CNNM2: variants seen among roughly 807,000 people sequenced by gnomAD.
CNNM2 encodes cyclin and CBS domain divalent metal cation transport mediator 2, also known as metal transporter CNNM2.
A neutral mutation model predicts 66.9 loss-of-function variants in CNNM2; 12 were observed. The ratio of observed to expected loss-of-function variants is 0.18; its 90% CI spans 0.11 to 0.29. The LOEUF (loss-of-function observed/expected upper bound fraction) is 0.29, where lower values mean the gene tolerates loss of function less well. CNNM2 is among the 10% of genes least tolerant of loss of function. The probability of loss-of-function intolerance (pLI) is 1.00; values close to 1 mark genes in which losing one functional copy is unlikely to be tolerated. For missense variants in CNNM2, 705 were observed against 1,167.7 expected (o/e 0.60, Z 5.77); for synonymous variants, 557 against 501.8 (o/e 1.11, Z -1.47).
intron 1 of CNNM2, among the ~76,000 whole-genome samples, chr10:102,957,920 A>G (rs1380684915): frequency 6.6e-6 from 1 of 152,078 alleles, no homozygotes; most frequent in African/African-American, 2.4e-5. Context: ...GAGTTGTGGG[A>G]TATTTCAGAA....
rs1033044675 is a variant in CNNM2 at position 103,085,624 on chromosome 10, G to C, written c.*8444G>C. ...ATAGTTGTACCTAGTTATTTTGTGT[G>C]AAGAAACAAAGGGACGAGATTCAAA... On this transcript the variant is annotated 3_prime_UTR_variant, in exon 8 of 8. Coordinates refer to ENST00000369878, the MANE Select transcript of CNNM2 (RefSeq NM_017649.5). The C allele has an allele frequency of 2.0e-5, 3 of 152,192 alleles. No individual in the cohort carries two copies. The East Asian group carries it at 5.8e-4, about 29-fold the overall frequency. 9.4% of individuals were successfully genotyped at this position (152,192 alleles called of 1,614,324 possible). A position where few individuals can be genotyped will look rare whatever the true frequency, so the allele number is the denominator to read the frequency against.
intron 1 of CNNM2, among the ~76,000 whole-genome samples, chr10:103,037,433 A>G (rs1469241366): frequency 6.6e-6 from 1 of 151,936 alleles, no homozygotes; most frequent in Non-Finnish European, 1.5e-5. Flanking sequence ...TGGCTACTCA[A>G]TATGTATTTG....
intron 4 of CNNM2, among the ~76,000 whole-genome samples, chr10:103,062,388 A>G: frequency 6.6e-6 from 1 of 152,170 alleles, no homozygotes; most frequent in Non-Finnish European, 1.5e-5. Flanking sequence ...ATGGGTTTTT[A>G]AGTTGCACGG....
At chr10:103,049,585 G>A in intron 1 of CNNM2, 122 bp from the exon 2 acceptor site, 1 of 956,420 alleles carries the variant, frequency 1.0e-6, no homozygotes, top group Non-Finnish European at 1.6e-6. Flanking sequence ...ATTTTAAAAT[G>A]CTGAAACAGA....
chr10:103,054,331 G>T lies in CNNM2; in HGVS notation c.1768G>T (p.Asp590Tyr). 6.2e-7 allele frequency: 1 copy of T among 1,613,388 alleles called. No homozygotes were observed. The highest frequency in any genetic ancestry group is 1.1e-5 in the South Asian group (1 of 91,016). The change falls in exon 3 of 8, where the codon GAC (aspartate) becomes TAC (tyrosine). Residue 590 changes from aspartate to tyrosine, a missense_variant and splice_region_variant. Coordinates refer to ENST00000369878, the MANE Select transcript of CNNM2 (RefSeq NM_017649.5). This position sits in a 1 kb window ranked among gnomAD's most constrained non-coding sequence, Gnocchi z 5.2. ...EILDETDLYT[D>Y]NRTKKKVAHR... is the part of the protein sequence containing the mutation. ...CTCTCTTTTAATTCCTCCCTTAGCTGACAACAGAACGAAAAAGAAAGTGGC... is the reference window on the plus strand; with the variant it reads ...CTCTCTTTTAATTCCTCCCTTAGCTTACAACAGAACGAAAAAGAAAGTGGC...
At chr10:103,018,722 C>T in intron 1 of CNNM2, among the ~76,000 whole-genome samples, 1 of 135,536 alleles carries the variant, frequency 7.4e-6, no homozygotes, top group Non-Finnish European at 1.5e-5. Flanking sequence ...TGGAGTCTCC[C>T]TCTTGCACTC....
At position 103,074,821 on chromosome 10, in the gene CNNM2, A is replaced by C. The variant is rs1045217371; in HGVS notation, c.2234-1265A>C. On this transcript the variant is annotated intron_variant, in intron 6 of 7. Coordinates refer to ENST00000369878, the MANE Select transcript of CNNM2 (RefSeq NM_017649.5). ...TGCATTCCAGCCTGGGTGATAAAGC[A>C]AGACCCTGTCTCAAAAAGAAAAAAA... 2.6e-5 allele frequency among the ~76,000 whole-genome samples: 4 copies of C among 152,214 alleles called. No homozygotes were observed. The East Asian group carries it at 7.7e-4, about 29-fold the overall frequency.
chr10:103,019,641 C>T (rs1450483302), intron 1 of CNNM2, among the ~76,000 whole-genome samples: 1 of 152,152 alleles, frequency 6.6e-6, no homozygotes, highest in Non-Finnish European at 1.5e-5. Context: ...GGCCTCCTCC[C>T]AATCCTGTGG....
At chr10:102,972,422 G>A (rs2063559792) in intron 1 of CNNM2, among the ~76,000 whole-genome samples, 1 of 152,072 alleles carries the variant, frequency 6.6e-6, no homozygotes, top group African/African-American at 2.4e-5. Context: ...GAATCACGAG[G>A]TCAGGAGATC....
At chr10:102,927,339 T>C (rs1408150991) in intron 1 of CNNM2, 5 of 1,613,904 alleles carry the variant, frequency 3.1e-6, no homozygotes, top group Non-Finnish European at 2.5e-6. Flanking sequence ...TTTTTGTTTT[T>C]CTCAGAACAC....
chr10:103,072,856 C>T (rs1831093468), intron 6 of CNNM2, among the ~76,000 whole-genome samples: 1 of 152,246 alleles, frequency 6.6e-6, no homozygotes, highest in Non-Finnish European at 1.5e-5. Flanking sequence ...GAATCCTTGT[C>T]CGTCTCACCA....
At chr10:102,930,821 T>C (rs1846038520) in intron 1 of CNNM2, among the ~76,000 whole-genome samples, 1 of 152,236 alleles carries the variant, frequency 6.6e-6, no homozygotes, top group South Asian at 2.1e-4. Flanking sequence ...GGCTGGCTTC[T>C]TTCATTTAAC....
At chr10:102,961,814 A>C (rs2063383991) in intron 1 of CNNM2, among the ~76,000 whole-genome samples, 1 of 152,104 alleles carries the variant, frequency 6.6e-6, no homozygotes, top group South Asian at 2.1e-4. Context: ...TAATCCCAGC[A>C]GTTTGAGAGG....
At chr10:102,995,978 G>A (rs1590366755) in intron 1 of CNNM2, among the ~76,000 whole-genome samples, 1 of 152,304 alleles carries the variant, frequency 6.6e-6, no homozygotes, top group Admixed American at 6.5e-5. Flanking sequence ...GGGATCACAG[G>A]CATGAGCCAC....
In CNNM2 at chr10:103,085,941, A is replaced by G. The variant is rs1378878157; in HGVS notation, c.*8761A>G. ...CTTTTTACTCATTCTATAAATGAACATGCTGCCTGTTTAAAGGACTTGCTT... is the reference window on the plus strand; with the variant it reads ...CTTTTTACTCATTCTATAAATGAACGTGCTGCCTGTTTAAAGGACTTGCTT... On this transcript the variant is annotated 3_prime_UTR_variant, in exon 8 of 8. Transcript: ENST00000369878. 2 of 152,244 alleles carry G rather than the reference A, an allele frequency of 1.3e-5. No individual in the cohort carries two copies. Among genetic ancestry groups the G allele is most frequent in the African/African-American group, 4.8e-5 (2 of 41,460 alleles). The allele number at this position is 152,244 out of a possible 1,614,324, so 9.4% of individuals were successfully genotyped here. A position where few individuals can be genotyped will look rare whatever the true frequency, so the allele number is the denominator to read the frequency against.
In CNNM2 at chr10:102,966,809, A is replaced by G. The variant is rs1043787233; in HGVS notation, c.1621+46708A>G. 2.0e-5 allele frequency among the ~76,000 whole-genome samples: 3 copies of G among 152,344 alleles called. No homozygotes were observed. In the South Asian group the frequency reaches 6.2e-4, roughly 32 times the overall value. On this transcript the variant is annotated intron_variant, in intron 1 of 7. Coordinates refer to ENST00000369878, the MANE Select transcript of CNNM2 (RefSeq NM_017649.5). Reference sequence around the variant, plus strand: ...GTGGGAATAAAGGAGACGAAGATACATGTGCTGAGTGCAAAGCTCAGGGAA... The same window carrying G: ...GTGGGAATAAAGGAGACGAAGATACGTGTGCTGAGTGCAAAGCTCAGGGAA...
At chr10:102,944,414 GC>G (rs1564815576) in intron 1 of CNNM2, among the ~76,000 whole-genome samples, 1 of 152,076 alleles carries the variant, frequency 6.6e-6, no homozygotes, top group Non-Finnish European at 1.5e-5. Context: ...TCTGGAAAAT[GC>G]CCTGGCTTTT....
chr10:103,053,951 C>A (rs2065256069), intron 2 of CNNM2, among the ~76,000 whole-genome samples: 1 of 152,176 alleles, frequency 6.6e-6, no homozygotes, highest in Non-Finnish European at 1.5e-5. Flanking sequence ...AGGATGGTGA[C>A]ATTGAGCAAC....
chr10:102,963,387 A>T (rs1181087466), intron 1 of CNNM2, among the ~76,000 whole-genome samples: 2 of 152,170 alleles, frequency 1.3e-5, no homozygotes, highest in Non-Finnish European at 2.9e-5. Context: ...TCAGATAGCC[A>T]TCTAGTGGAA....
Sources: allele counts gnomAD v4.1 joint callset (sites outside exome capture counted in the v4.1 genomes callset), GRCh38; gene constraint gnomAD v4.1.1; non-coding constraint Gnocchi (gnomAD v3.1); transcripts MANE v1.5; gene names NCBI Gene and HGNC (gene_info 2026-07-23, HGNC 2026-07-21).